GALNT17: variants seen among roughly 807,000 people sequenced by gnomAD.
GALNT17 encodes the protein UDP-GalNAc:polypeptide N-acetylgalactosaminyltransferase-like 3.
A neutral mutation model predicts 63.7 loss-of-function variants in GALNT17; 29 were observed. The ratio of observed to expected loss-of-function variants is 0.46; its 90% CI spans 0.34 to 0.62. The LOEUF (loss-of-function observed/expected upper bound fraction) is 0.62, where lower values mean the gene tolerates loss of function less well. Ranked by LOEUF, GALNT17 falls within the 20% of genes least tolerant of loss-of-function variation. The pLI is 0.01. For synonymous variants in GALNT17, 305 were observed against 318.3 expected (o/e 0.96, Z 0.45); for missense variants, 603 against 799.6 (o/e 0.75, Z 2.97).
intron 1 of GALNT17, among the ~76,000 whole-genome samples, chr7:71,177,112 G>A (rs1788652630): frequency 6.6e-6 from 1 of 152,098 alleles, no homozygotes; most frequent in African/African-American, 2.4e-5. Context: ...CTCTTCTGGA[G>A]CATGTAGGGG....
chr7:71,194,688 A>C (rs1430839093), intron 1 of GALNT17, among the ~76,000 whole-genome samples: 1 of 152,132 alleles, frequency 6.6e-6, no homozygotes, highest in Non-Finnish European at 1.5e-5. Context: ...CATCTGCAAA[A>C]TTGGGTTCTT....
In GALNT17 at chr7:71,666,329, A is replaced by T. The variant is rs539222685; in HGVS notation, c.1266+733A>T. Among the ~76,000 whole-genome samples the T allele has an allele frequency of 6.1e-5, 9 of 148,310 alleles. No homozygotes were observed. The East Asian group carries it at 1.6e-3, about 26-fold the overall frequency. On this transcript the variant is annotated intron_variant, in intron 7 of 10. Coordinates refer to ENST00000333538, the MANE Select transcript of GALNT17 (RefSeq NM_022479.3). ...CTGTGTGTGTATATATATGTATAAA[A>T]TATATATTTATATAATATATAAAAT...
chr7:71,521,368 C>T (rs1336098435), intron 5 of GALNT17, among the ~76,000 whole-genome samples: 1 of 152,208 alleles, frequency 6.6e-6, no homozygotes. Context: ...CCTTTGACCA[C>T]CTCCTTTCCC....
At chr7:71,188,606 A>T (rs1562898048) in intron 1 of GALNT17, among the ~76,000 whole-genome samples, 2 of 151,898 alleles carry the variant, frequency 1.3e-5, no homozygotes, top group Non-Finnish European at 2.9e-5. Flanking sequence ...AATTTGTTTG[A>T]GTTCATTGTA....
intron 5 of GALNT17, among the ~76,000 whole-genome samples, chr7:71,493,211 T>C (rs1388374362): frequency 6.6e-6 from 1 of 152,108 alleles, no homozygotes; most frequent in Non-Finnish European, 1.5e-5. Context: ...GGGTTTTTCC[T>C]CCAGGACAGT....
intron 6 of GALNT17, among the ~76,000 whole-genome samples, chr7:71,654,649 CTTG>C (rs1790800374): frequency 6.6e-6 from 1 of 150,700 alleles, no homozygotes; most frequent in Non-Finnish European, 1.5e-5. Context: ...ATGTTAATTT[CTTG>C]TTGTTTCACT....
At chr7:71,256,967 AAGG>A (rs1163242583) in intron 1 of GALNT17, among the ~76,000 whole-genome samples, 1 of 152,068 alleles carries the variant, frequency 6.6e-6, no homozygotes, top group Admixed American at 6.5e-5. Context: ...GTTTTTCTAA[AAGG>A]ACTCTCTCTC....
At position 71,256,822 on chromosome 7, in the gene GALNT17, G is replaced by A. The variant is rs1035498895; in HGVS notation, c.239-78728G>A. 9.2e-5 allele frequency among the ~76,000 whole-genome samples: 14 copies of A among 152,302 alleles called. No individual in the cohort carries two copies. In the East Asian group the frequency reaches 9.7e-4, roughly 11 times the overall value. On this transcript the variant is annotated intron_variant, in intron 1 of 10. Transcript: ENST00000333538. ...TCTCAGTAGCTCGGTACTATTGACCGTTCAAGTGAGAATGAGAGAGGTAGG... is the reference window on the plus strand; with the variant it reads ...TCTCAGTAGCTCGGTACTATTGACCATTCAAGTGAGAATGAGAGAGGTAGG...
intron 5 of GALNT17, among the ~76,000 whole-genome samples, chr7:71,494,862 G>C (rs899100030): frequency 3.9e-5 from 6 of 152,150 alleles, no homozygotes; most frequent in African/African-American, 1.4e-4. Context: ...AAGCTTGTGC[G>C]GGGGAACTCC....
chr7:71,369,161 A>G (rs1792570315), intron 2 of GALNT17, among the ~76,000 whole-genome samples: 1 of 152,196 alleles, frequency 6.6e-6, no homozygotes, highest in African/African-American at 2.4e-5. Flanking sequence ...AGTACACATG[A>G]CCAGAATGCC....
chr7:71,676,554 G>A (rs1791153127), intron 8 of GALNT17, among the ~76,000 whole-genome samples: 1 of 151,780 alleles, frequency 6.6e-6, no homozygotes, highest in African/African-American at 2.4e-5. Flanking sequence ...TGGTTAATTT[G>A]TTTTAATGTT....
intron 3 of GALNT17, among the ~76,000 whole-genome samples, chr7:71,403,193 A>G (rs1220592202): frequency 6.6e-6 from 1 of 152,226 alleles, no homozygotes; most frequent in Non-Finnish European, 1.5e-5. Flanking sequence ...GAACAACAAC[A>G]AAACCCTTTT....
At chr7:71,495,524 G>C (rs1200515922) in intron 5 of GALNT17, among the ~76,000 whole-genome samples, 2 of 152,070 alleles carry the variant, frequency 1.3e-5, no homozygotes, top group Non-Finnish European at 2.9e-5. Context: ...TATTTTACAA[G>C]TCAGGCAGAA....
At chr7:71,561,428 G>C (rs1427472291) in intron 5 of GALNT17, among the ~76,000 whole-genome samples, 2 of 152,138 alleles carry the variant, frequency 1.3e-5, no homozygotes, top group African/African-American at 2.4e-5. Flanking sequence ...ATTCATACCA[G>C]GACAACTCCA....
chr7:71,448,585 G>C (rs1009202513), intron 5 of GALNT17, among the ~76,000 whole-genome samples: 16 of 151,056 alleles, frequency 1.1e-4, no homozygotes, highest in African/African-American at 3.7e-4. Flanking sequence ...GTTCTTTATC[G>C]ATCTTTTGCC....
intron 5 of GALNT17, among the ~76,000 whole-genome samples, chr7:71,483,912 A>C (rs1787864551): frequency 6.6e-6 from 1 of 152,026 alleles, no homozygotes; most frequent in South Asian, 2.1e-4. Context: ...ACACGAACAC[A>C]CACATTAGCC....
chr7:71,645,048 G>C (rs1189543417), intron 6 of GALNT17, among the ~76,000 whole-genome samples: 1 of 152,176 alleles, frequency 6.6e-6, no homozygotes, highest in Admixed American at 6.5e-5. Context: ...TTCAACCATG[G>C]CAGGGTTGTG....
intron 1 of GALNT17, among the ~76,000 whole-genome samples, chr7:71,222,620 A>G (rs1435675995): frequency 1.3e-5 from 2 of 152,138 alleles, no homozygotes; most frequent in African/African-American, 2.4e-5. Context: ...GAAGAGGACT[A>G]GTCAGGTGTT....
At chr7:71,638,252 A>T (rs1790555749) in intron 6 of GALNT17, among the ~76,000 whole-genome samples, 2 of 152,218 alleles carry the variant, frequency 1.3e-5, no homozygotes, top group Admixed American at 6.5e-5. Context: ...GATCTTGGCC[A>T]GCTTCTTTAC....
Sources: allele counts gnomAD v4.1 joint callset (sites outside exome capture counted in the v4.1 genomes callset), GRCh38; gene constraint gnomAD v4.1.1; transcripts MANE v1.5; gene names NCBI Gene and HGNC (gene_info 2026-07-23, HGNC 2026-07-21).